The following PDE11A variants were observed in gnomAD, a reference collection of about 807,000 sequenced individuals.
PDE11A encodes dual 3',5'-cyclic-AMP and -GMP phosphodiesterase 11A.
PDE11A carries 100 observed loss-of-function variants against 100.5 expected under a neutral mutation model. The observed-to-expected ratio is 1.00, with a 90% CI of 0.85 to 1.18. The LOEUF is 1.18. PDE11A is among the 50% of genes most tolerant of loss of function. The probability of loss-of-function intolerance (pLI) is 0.00; values close to 1 mark genes in which losing one functional copy is unlikely to be tolerated. For synonymous variants in PDE11A, 381 were observed against 420.8 expected, an observed-to-expected ratio of 0.91 and a Z score of 1.16; for missense variants, 1,141 against 1,152.6, an observed-to-expected ratio of 0.99 and a Z score of 0.15.
In PDE11A at chr2:178,040,449, T is replaced by C. The variant is rs116442718; in HGVS notation, c.913-25989A>G. Among the ~76,000 whole-genome samples the C allele has an allele frequency of 7.6e-3, 1,163 of 152,338 alleles. 10 individuals carry two copies. The highest frequency in any genetic ancestry group is 0.044 in the Middle Eastern group (13 of 294). ...TATATTTTATTCTTCCATTTGAATATATGATGCATTTCACAATTTTTTAAA... is the reference window on the plus strand; with the variant it reads ...TATATTTTATTCTTCCATTTGAATACATGATGCATTTCACAATTTTTTAAA... On this transcript the variant is annotated intron_variant, in intron 1 of 19. Transcript: ENST00000286063.
rs560547677 is a variant in PDE11A, at chr2:177,698,079, A to T, written c.2245-647T>A. ...CACAACAAAGATTTACTGGCCCAACACGTCACTGCTGCTGAAGCGGAGGAA... is the reference window on the plus strand; with the variant it reads ...CACAACAAAGATTTACTGGCCCAACTCGTCACTGCTGCTGAAGCGGAGGAA... On this transcript the variant is annotated intron_variant, in intron 14 of 19. Coordinates refer to ENST00000286063, the MANE Select transcript of PDE11A (RefSeq NM_016953.4). Among the ~76,000 whole-genome samples, 11 of 152,266 alleles carry T rather than the reference A, an allele frequency of 7.2e-5. No homozygotes were observed. In the East Asian group the frequency reaches 1.5e-3, roughly 21 times the overall value.
At chr2:177,778,172 T>C (rs2082404480) in intron 9 of PDE11A, among the ~76,000 whole-genome samples, 1 of 152,172 alleles carries the variant, frequency 6.6e-6, no homozygotes, top group Non-Finnish European at 1.5e-5. Context: ...AGAAAAACAA[T>C]GGGCAGAGCT....
chr2:178,044,290 G>T (rs1475748326), intron 1 of PDE11A, among the ~76,000 whole-genome samples: 1 of 103,962 alleles, frequency 9.6e-6, no homozygotes, highest in Non-Finnish European at 2.2e-5. Flanking sequence ...ATAATGCAAT[G>T]ACCAAAGAAG....
At chr2:178,066,597 C>T (rs1237693019) in intron 1 of PDE11A, among the ~76,000 whole-genome samples, 1 of 152,138 alleles carries the variant, frequency 6.6e-6, no homozygotes, top group Non-Finnish European at 1.5e-5. Context: ...GCAACCAGGT[C>T]ACATGGGCTG....
At chr2:177,642,772 C>G (rs1310899630) in intron 19 of PDE11A, among the ~76,000 whole-genome samples, 1 of 152,218 alleles carries the variant, frequency 6.6e-6, no homozygotes, top group Non-Finnish European at 1.5e-5. Context: ...TGGATTGTAA[C>G]TCCCACAATT....
At chr2:177,705,122 G>C (rs1975322) in intron 13 of PDE11A, among the ~76,000 whole-genome samples, 1 of 152,004 alleles carries the variant, frequency 6.6e-6, no homozygotes, top group Admixed American at 6.5e-5. Context: ...TTATAGGCAT[G>C]AGCCACTGTG....
At position 178,072,304 on chromosome 2, in the gene PDE11A, C is replaced by A. The variant is rs956598425; in HGVS notation, c.134G>T (p.Gly45Val). Residue 45 changes from glycine (G) to valine (V), a missense_variant, in exon 1 of 20, where the codon GGT (glycine) becomes GTT (valine). Coordinates refer to ENST00000286063, the MANE Select transcript of PDE11A (RefSeq NM_016953.4). ...GGGCCTTGGACCTAAAGCCCCCTGA[C>A]CCTGACTGTGCCTCTGCAGCCACTT... ...VEKWLQRHSQ[G>V]QGALGPRPSL... The A allele has an allele frequency of 6.2e-7, 1 of 1,614,098 alleles. No homozygotes were observed. The highest frequency in any genetic ancestry group is 2.2e-5 in the East Asian group (1 of 44,876).
chr2:177,772,337 C>T (rs551475229), intron 9 of PDE11A, among the ~76,000 whole-genome samples: 2 of 152,188 alleles, frequency 1.3e-5, no homozygotes, highest in East Asian at 3.9e-4. Context: ...AAATGCAATA[C>T]TACATGTAAA....
chr2:177,752,329 G>A, intron 10 of PDE11A, among the ~76,000 whole-genome samples: 1 of 152,202 alleles, frequency 6.6e-6, no homozygotes, highest in Non-Finnish European at 1.5e-5. Flanking sequence ...TTTCAGGGTA[G>A]ACTCTTATAA....
At chr2:177,713,529 A>T (rs1424760307) in intron 12 of PDE11A, among the ~76,000 whole-genome samples, 3 of 152,096 alleles carry the variant, frequency 2.0e-5, no homozygotes, top group African/African-American at 7.2e-5. Flanking sequence ...ATTCGAGACC[A>T]GCCTGATGAA....
In PDE11A at chr2:177,727,667, C is replaced by T. The variant is rs78730670; in HGVS notation, c.2034G>A (p.Ala678=). 2.5e-4 allele frequency: 396 copies of T among 1,585,446 alleles called. 1 individual carries two copies. In the Middle Eastern group the frequency reaches 3.2e-3, roughly 13 times the overall value. Residue 678 remains alanine, a synonymous_variant, in exon 12 of 20, where the codon GCG becomes GCA. Coordinates refer to ENST00000286063, the MANE Select transcript of PDE11A (RefSeq NM_016953.4). ...CACTAAGCACACTTACGGTTAACAT[C>T]GCGAACATCAGCTGACACACGTTGA... The part of the protein sequence containing the change: ...HAFNVCQLMF[A]MLTTAGFQDI...
At chr2:177,818,296 T>A (rs775317246) in intron 7 of PDE11A, among the ~76,000 whole-genome samples, 46 of 102,550 alleles carry the variant, frequency 4.5e-4, no homozygotes, top group South Asian at 3.4e-3. Flanking sequence ...CAACTGAAAA[T>A]ATATATATAT....
rs1464675748 is a variant in PDE11A, at chr2:177,627,885, G to GA, written c.*1521dup. 2.0e-5 allele frequency: 3 copies of GA among 152,118 alleles called. No individual in the cohort carries two copies. The highest frequency in any genetic ancestry group is 4.4e-5 in the Non-Finnish European group (3 of 68,030). 9.4% of individuals were successfully genotyped at this position (152,118 alleles called of 1,614,324 possible). ...AACAAAGAAACAAAAACAATAACAAGAAAAATGGTTTGTAAATTTCAGATT... is the reference window on the plus strand; with the variant it reads ...AACAAAGAAACAAAAACAATAACAAGAAAAAATGGTTTGTAAATTTCAGATT... On this transcript the variant is annotated 3_prime_UTR_variant, in exon 20 of 20. Transcript: ENST00000286063.
At chr2:177,997,126 A>G (rs1440941098) in intron 2 of PDE11A, 26 of 893,808 alleles carry the variant, frequency 2.9e-5, no homozygotes, top group Non-Finnish European at 4.6e-5. Context: ...CACCCCCGGA[A>G]ATCCAATGAG....
At chr2:177,768,689 A>C (rs576908243) in intron 10 of PDE11A, among the ~76,000 whole-genome samples, 71 of 152,306 alleles carry the variant, frequency 4.7e-4, no homozygotes, top group Non-Finnish European at 9.4e-4. Context: ...TCATAGACTC[A>C]TCAGATGTTG....
intron 9 of PDE11A, among the ~76,000 whole-genome samples, chr2:177,777,264 T>TAC (rs60484435): frequency 6.0e-5 from 2 of 33,520 alleles, no homozygotes; most frequent in African/African-American, 4.3e-4. Context: ...GGTATTTTGT[T>TAC]GTTATGGCAG....
At chr2:177,777,588 C>T (rs1195343153) in intron 9 of PDE11A, among the ~76,000 whole-genome samples, 1 of 152,126 alleles carries the variant, frequency 6.6e-6, no homozygotes, top group Non-Finnish European at 1.5e-5. Flanking sequence ...TATTTCATAG[C>T]AAGTATCTAG....
At chr2:177,725,929 C>T (rs9679242) in intron 12 of PDE11A, among the ~76,000 whole-genome samples, 1,716 of 152,232 alleles carry the variant, frequency 0.011, 38 homozygotes, top group African/African-American at 0.038. Flanking sequence ...TTCCTACTTA[C>T]TTATTTTGGC....
chr2:177,839,316 G>T (rs2083451009), intron 6 of PDE11A, among the ~76,000 whole-genome samples: 1 of 152,214 alleles, frequency 6.6e-6, no homozygotes, highest in Non-Finnish European at 1.5e-5. Context: ...AAATGGGAAT[G>T]ATGACATCTA....
Sources: allele counts gnomAD v4.1 joint callset (sites outside exome capture counted in the v4.1 genomes callset), GRCh38; gene constraint gnomAD v4.1.1; transcripts MANE v1.5; gene names NCBI Gene and HGNC (gene_info 2026-07-23, HGNC 2026-07-21).